Variants in CLOCK observed in about 807,000 individuals in gnomAD.
CLOCK encodes circadian locomoter output cycles protein kaput.
Under a neutral mutation model 118.4 loss-of-function variants are expected in CLOCK, and 43 were observed. The observed-to-expected ratio is 0.36, with a 90% CI of 0.28 to 0.47. The LOEUF (loss-of-function observed/expected upper bound fraction) is 0.47, where lower values mean the gene tolerates loss of function less well. CLOCK is among the 20% of genes least tolerant of loss of function. CLOCK has a pLI of 1.00. For synonymous variants in CLOCK, 326 were observed against 339.2 expected (o/e 0.96, Z 0.43); for missense variants, 846 against 999.9 (o/e 0.85, Z 2.08).
chr4:55,525,660 G>C (rs1730132943), intron 1 of CLOCK, among the ~76,000 whole-genome samples: 1 of 151,910 alleles, frequency 6.6e-6, no homozygotes, highest in African/African-American at 2.4e-5. Flanking sequence ...AGTAGACACG[G>C]GGTTTCACCA....
Position 55,504,803 on chromosome 4 carries a change from G to A in CLOCK, c.-136+5109C>T, listed in dbSNP as rs80281684. ...GCATTGTATTTTTTACATTTGCAAA[G>A]TTGTATTTCATTTCATTACCATATT... On this transcript the variant is annotated intron_variant, in intron 2 of 22. Transcript: ENST00000513440. 8.1e-3 allele frequency among the ~76,000 whole-genome samples: 1,240 copies of A among 152,212 alleles called. 13 individuals carry two copies. The highest frequency in any genetic ancestry group is 0.028 in the African/African-American group (1,164 of 41,550).
intron 1 of CLOCK, among the ~76,000 whole-genome samples, chr4:55,520,910 A>G (rs928665609): frequency 2.6e-5 from 4 of 152,170 alleles, no homozygotes; most frequent in African/African-American, 9.6e-5. Context: ...ATTGCTCCCT[A>G]TAACAACTCC....
chr4:55,442,120 T>C (rs1002728895), intron 21 of CLOCK, among the ~76,000 whole-genome samples: 1 of 152,132 alleles, frequency 6.6e-6, no homozygotes, highest in Non-Finnish European at 1.5e-5. Flanking sequence ...AGCATCTATA[T>C]TGAAAAGACA....
chr4:55,443,471 G>A (rs1452551290), intron 20 of CLOCK, among the ~76,000 whole-genome samples: 5 of 102,740 alleles, frequency 4.9e-5, no homozygotes, highest in African/African-American at 1.6e-4. Context: ...GCAAAACTCC[G>A]TCTCAAAAAA....
At chr4:55,529,646 A>G (rs1461641668) in intron 1 of CLOCK, among the ~76,000 whole-genome samples, 2 of 152,252 alleles carry the variant, frequency 1.3e-5, no homozygotes, top group Non-Finnish European at 2.9e-5. Context: ...AAGAACTGTT[A>G]CAAATGCTTA....
intron 9 of CLOCK, 34 bp downstream of exon 9, chr4:55,463,651 C>T (rs150520621): frequency 6.2e-7 from 1 of 1,610,504 alleles, no homozygotes; most frequent in Non-Finnish European, 8.5e-7. Flanking sequence ...CTGAATACAA[C>T]ATTTGACTTT....
intron 21 of CLOCK, among the ~76,000 whole-genome samples, chr4:55,441,511 A>G (rs1723365827): frequency 6.6e-6 from 1 of 152,242 alleles, no homozygotes; most frequent in South Asian, 2.1e-4. Context: ...GTGGAGAAAG[A>G]AAATGTGGTA....
At chr4:55,447,956 T>C (rs1577692429) in intron 18 of CLOCK, among the ~76,000 whole-genome samples, 1 of 152,166 alleles carries the variant, frequency 6.6e-6, no homozygotes, top group African/African-American at 2.4e-5. Context: ...GTTGGGAAGT[T>C]AGGCTCTAAA....
chr4:55,473,340 T>C (rs201715153), intron 7 of CLOCK, among the ~76,000 whole-genome samples: 1 of 152,218 alleles, frequency 6.6e-6, no homozygotes, highest in East Asian at 1.9e-4. Flanking sequence ...TAGTGTTTAC[T>C]TCATAAGAGT....
intron 15 of CLOCK, among the ~76,000 whole-genome samples, chr4:55,450,777 A>T (rs1297943938): frequency 6.6e-6 from 1 of 152,182 alleles, no homozygotes; most frequent in African/African-American, 2.4e-5. Flanking sequence ...TCAAAAAAAA[A>T]AAAACATTAA....
chr4:55,439,257 A>G (rs1723148926), intron 21 of CLOCK, among the ~76,000 whole-genome samples: 1 of 152,246 alleles, frequency 6.6e-6, no homozygotes, highest in African/African-American at 2.4e-5. Flanking sequence ...AAGCACATGA[A>G]AAGGTGCTCC....
intron 1 of CLOCK, among the ~76,000 whole-genome samples, chr4:55,531,542 G>A (rs1447761513): frequency 4.6e-5 from 7 of 151,298 alleles, no homozygotes; most frequent in East Asian, 2.0e-4. Flanking sequence ...CCGTCTCTAC[G>A]AAAACTACAT....
At position 55,435,206 on chromosome 4, in the gene CLOCK, CCCTATGATCA is replaced by C; in HGVS notation, c.*199_*208del. The stretch of plus-strand genomic sequence containing the variant: ...AAAACACTGTCAGAACTGGCTATGC[CCCTATGATCA>C]CCTCCTGCTGGCTGGTATTTAATGT... On this transcript the variant is annotated 3_prime_UTR_variant, in exon 23 of 23. Transcript: ENST00000513440. 1.7e-6 allele frequency: 1 copy of C among 598,460 alleles called. No individual in the cohort carries two copies. Among genetic ancestry groups the C allele is most frequent in the East Asian group, 2.9e-5 (1 of 34,306 alleles). 37.1% of individuals were successfully genotyped at this position (598,460 alleles called of 1,614,324 possible). A position where few individuals can be genotyped will look rare whatever the true frequency, so the allele number is the denominator to read the frequency against.
intron 7 of CLOCK, among the ~76,000 whole-genome samples, chr4:55,471,144 C>T (rs2109856988): frequency 6.6e-6 from 1 of 152,234 alleles, no homozygotes; most frequent in African/African-American, 2.4e-5. Flanking sequence ...GTCTCCAAAG[C>T]ATACAAGACA....
chr4:55,539,873 A>C (rs920958030), intron 1 of CLOCK, among the ~76,000 whole-genome samples: 5 of 152,176 alleles, frequency 3.3e-5, no homozygotes, highest in Non-Finnish European at 4.4e-5. Context: ...ACTGCAGTGG[A>C]CTACATTAGG....
At chr4:55,538,582 A>G (rs1035386947) in intron 1 of CLOCK, among the ~76,000 whole-genome samples, 1 of 152,196 alleles carries the variant, frequency 6.6e-6, no homozygotes, top group East Asian at 1.9e-4. Flanking sequence ...TAAGTTTAAT[A>G]TATGTGTAAT....
rs149755673 is a variant in CLOCK at position 55,494,606 on chromosome 4, T to TAC, written c.-135-5143_-135-5142dup. On this transcript the variant is annotated intron_variant, in intron 2 of 22. Coordinates refer to ENST00000513440, the MANE Select transcript of CLOCK (RefSeq NM_004898.4). The stretch of plus-strand genomic sequence containing the variant: ...AGGGGGGATGAGGGATAAAAGACCA[T>TAC]ACATTGGGAACAGTGCTCAGGTGAT... Among the ~76,000 whole-genome samples, 193 of 152,118 alleles carry TAC rather than the reference T, an allele frequency of 1.3e-3. 8 individuals carry two copies. The East Asian group carries it at 0.035, about 27-fold the overall frequency.
chr4:55,489,528 G>T (rs1227227547), intron 2 of CLOCK, 63 bp from the exon 3 acceptor site: 1 of 151,914 alleles, frequency 6.6e-6, no homozygotes, highest in Non-Finnish European at 1.5e-5. Flanking sequence ...CATTAAAAGG[G>T]TTTTAAAATA....
Position 55,481,376 on chromosome 4 carries a change from T to C in CLOCK, c.47+1363A>G, listed in dbSNP as rs573791649. Among the ~76,000 whole-genome samples, 34 of 152,334 alleles carry C rather than the reference T, an allele frequency of 2.2e-4. 1 individual carries two copies. In the South Asian group the frequency reaches 7.0e-3, roughly 32 times the overall value. The stretch of plus-strand genomic sequence containing the variant: ...ACCCATATTAATAATCACTGCTTTA[T>C]GTCTGAAAATACAAATGTCATCCCT... On this transcript the variant is annotated intron_variant, in intron 4 of 22. Transcript: ENST00000513440.
Sources: allele counts gnomAD v4.1 joint callset (sites outside exome capture counted in the v4.1 genomes callset), GRCh38; gene constraint gnomAD v4.1.1; transcripts MANE v1.5; gene names NCBI Gene and HGNC (gene_info 2026-07-23, HGNC 2026-07-21).